The following SCMH1 variants were observed in gnomAD, a reference collection of about 807,000 sequenced individuals.
SCMH1 encodes the protein polycomb protein SCMH1.
Under a neutral mutation model 70.8 loss-of-function variants are expected in SCMH1, and 37 were observed. The ratio of observed to expected loss-of-function variants is 0.52; its 90% CI spans 0.40 to 0.69. The LOEUF (loss-of-function observed/expected upper bound fraction) is 0.69. Ranked by LOEUF, SCMH1 falls within the 30% of genes least tolerant of loss-of-function variation. The pLI is 0.00. For synonymous variants in SCMH1, 292 were observed against 307.4 expected (o/e 0.95, Z 0.52); for missense variants, 607 against 827.3 (o/e 0.73, Z 3.27).
chr1:41,035,723 G>A (rs544266053), intron 13 of SCMH1, among the ~76,000 whole-genome samples: 3 of 152,274 alleles, frequency 2.0e-5, no homozygotes, highest in East Asian at 3.9e-4. Context: ...CAAGCTGTCT[G>A]CTGACATACG....
At chr1:41,205,183 G>A (rs886424647) in intron 1 of SCMH1, among the ~76,000 whole-genome samples, 1 of 152,168 alleles carries the variant, frequency 6.6e-6, no homozygotes, top group African/African-American at 2.4e-5. Context: ...TCATCTCATT[G>A]GGACTGGTTG....
chr1:41,196,850 C>G (rs937740988), intron 1 of SCMH1, among the ~76,000 whole-genome samples: 1 of 152,010 alleles, frequency 6.6e-6, no homozygotes, highest in Non-Finnish European at 1.5e-5. Flanking sequence ...AATTCAACAA[C>G]AAGAAGAACT....
intron 6 of SCMH1, among the ~76,000 whole-genome samples, chr1:41,129,588 C>T (rs925427779): frequency 2.0e-5 from 3 of 152,164 alleles, no homozygotes; most frequent in Admixed American, 6.5e-5. Flanking sequence ...TCCCCAGCCC[C>T]GCTCTCTTTC....
At chr1:41,224,804 T>C (rs777185683) in intron 1 of SCMH1, among the ~76,000 whole-genome samples, 8 of 152,184 alleles carry the variant, frequency 5.3e-5, no homozygotes, top group African/African-American at 9.7e-5. Flanking sequence ...TCCACTTCAT[T>C]TGGCCCTCAC....
At chr1:41,207,153 A>G (rs912721087) in intron 1 of SCMH1, among the ~76,000 whole-genome samples, 1 of 152,260 alleles carries the variant, frequency 6.6e-6, no homozygotes, top group Admixed American at 6.5e-5. Flanking sequence ...ATAACCAGCT[A>G]TCATCATAAT....
At chr1:41,233,760 T>C (rs1661763971) in intron 1 of SCMH1, among the ~76,000 whole-genome samples, 1 of 152,198 alleles carries the variant, frequency 6.6e-6, no homozygotes, top group African/African-American at 2.4e-5. Flanking sequence ...ATTCCTTTCT[T>C]TTTGAAACTT....
chr1:41,058,378 G>GTTTTTTCTTTTTTTTT (rs1651276480), intron 10 of SCMH1, among the ~76,000 whole-genome samples: 1 of 81,640 alleles, frequency 1.2e-5, no homozygotes, highest in Non-Finnish European at 2.1e-5. Context: ...TTTCTTTCTT[G>GTTTTTTCTTTTTTTTT]TTTTTTTTTT....
intron 1 of SCMH1, among the ~76,000 whole-genome samples, chr1:41,214,441 T>C (rs1207275572): frequency 1.3e-5 from 2 of 152,180 alleles, no homozygotes; most frequent in African/African-American, 4.8e-5. Context: ...CTTGAATTAG[T>C]TATTTGTATA....
intron 2 of SCMH1, among the ~76,000 whole-genome samples, chr1:41,175,136 G>A (rs1053075092): frequency 1.3e-5 from 2 of 152,240 alleles, no homozygotes; most frequent in African/African-American, 4.8e-5. Context: ...GGTATTTATT[G>A]AAGAGATTAA....
chr1:41,094,598 GA>G (rs1270747737), intron 8 of SCMH1, among the ~76,000 whole-genome samples: 1 of 151,550 alleles, frequency 6.6e-6, no homozygotes. Context: ...TTTTTAAAAA[GA>G]AAAAAAAGAG....
At chr1:41,162,035 C>T (rs1646076379) in intron 2 of SCMH1, among the ~76,000 whole-genome samples, 1 of 152,130 alleles carries the variant, frequency 6.6e-6, no homozygotes, top group African/African-American at 2.4e-5. Context: ...GCAGGAGTCC[C>T]GCCATCCTGG....
intron 5 of SCMH1, among the ~76,000 whole-genome samples, chr1:41,148,574 T>A (rs1157184666): frequency 2.0e-5 from 3 of 152,172 alleles, no homozygotes; most frequent in African/African-American, 7.2e-5. Flanking sequence ...AAGGTGTTGT[T>A]CAATTTTGTG....
At chr1:41,079,851 T>A (rs1659470564) in intron 8 of SCMH1, among the ~76,000 whole-genome samples, 2 of 151,954 alleles carry the variant, frequency 1.3e-5, no homozygotes. Flanking sequence ...TGCTCTAAAT[T>A]TTTTTTGTAT....
At chr1:41,184,483 C>A (rs1255767636) in intron 2 of SCMH1, among the ~76,000 whole-genome samples, 2 of 152,138 alleles carry the variant, frequency 1.3e-5, no homozygotes, top group Non-Finnish European at 2.9e-5. Flanking sequence ...ATATTTATTA[C>A]CACTGTTTGT....
chr1:41,075,179 A>C, intron 9 of SCMH1, 40 bp downstream of exon 9: 1 of 1,598,156 alleles, frequency 6.3e-7, no homozygotes, highest in Non-Finnish European at 8.6e-7. Context: ...ACCCCTTTAT[A>C]AACCCTTATT....
chr1:41,209,779 T>C (rs1198360814), intron 1 of SCMH1, among the ~76,000 whole-genome samples: 3 of 152,242 alleles, frequency 2.0e-5, no homozygotes, highest in Non-Finnish European at 4.4e-5. Context: ...GGGCCAACAC[T>C]GGAAGCATTC....
intron 9 of SCMH1, among the ~76,000 whole-genome samples, chr1:41,070,987 T>C (rs1490598404): frequency 6.6e-6 from 1 of 152,144 alleles, no homozygotes; most frequent in Non-Finnish European, 1.5e-5. Context: ...TTCAATATTA[T>C]CATATGAAGT....
At position 41,176,898 on chromosome 1, in the gene SCMH1, T is replaced by C. The variant is rs149200566; in HGVS notation, c.13+9223A>G. Among the ~76,000 whole-genome samples the C allele has an allele frequency of 6.4e-3, 971 of 151,808 alleles. 14 individuals carry two copies. The highest frequency in any genetic ancestry group is 0.023 in the African/African-American group (936 of 41,378). On this transcript the variant is annotated intron_variant, in intron 2 of 14. Coordinates refer to ENST00000337495, the Ensembl canonical transcript of SCMH1. ...GTCCGTCTGACAGCTTTGAAGAGAGTAGTGGTTCTCCCAGCTCACAGATGG... is the reference window on the plus strand; with the variant it reads ...GTCCGTCTGACAGCTTTGAAGAGAGCAGTGGTTCTCCCAGCTCACAGATGG...
intron 1 of SCMH1, among the ~76,000 whole-genome samples, chr1:41,199,976 G>T (rs1187380889): frequency 6.6e-6 from 1 of 152,174 alleles, no homozygotes; most frequent in Non-Finnish European, 1.5e-5. Context: ...ACCATCCCTA[G>T]TTTACTTATC....
Sources: allele counts gnomAD v4.1 joint callset (sites outside exome capture counted in the v4.1 genomes callset), GRCh38; gene constraint gnomAD v4.1.1; transcripts MANE v1.5; gene names NCBI Gene and HGNC (gene_info 2026-07-23, HGNC 2026-07-21).